APOD: variants seen among roughly 807,000 people sequenced by gnomAD.
APOD encodes apo-D.
In APOD, 22 loss-of-function variants were observed where a neutral mutation model predicts 20.4. That is an observed-to-expected ratio of 1.08 (90% CI 0.77 to 1.54). APOD has a LOEUF of 1.54. APOD is among the 40% of genes most tolerant of loss of function. The probability of loss-of-function intolerance (pLI) is 0.00; values close to 1 mark genes in which losing one functional copy is unlikely to be tolerated. For synonymous variants in APOD, 97 were observed against 92.4 expected, an observed-to-expected ratio of 1.05 and a Z score of -0.29; for missense variants, 223 against 229.6, an observed-to-expected ratio of 0.97 and a Z score of 0.19.
At chr3:195,578,099 T>A (rs920687239) in intron 2 of APOD, among the ~76,000 whole-genome samples, 2 of 152,244 alleles carry the variant, frequency 1.3e-5, no homozygotes, top group Admixed American at 6.5e-5. Context: ...ATTTTTTAAA[T>A]CCTGCTTTAA....
intron 4 of APOD, among the ~76,000 whole-genome samples, chr3:195,569,365 A>C (rs1720119221): frequency 6.6e-6 from 1 of 152,006 alleles, no homozygotes; most frequent in South Asian, 2.1e-4. Context: ...TGCCTGCCTC[A>C]CTCACCCAGA....
chr3:195,576,544 T>G (rs1402478831), intron 2 of APOD, among the ~76,000 whole-genome samples: 1 of 152,228 alleles, frequency 6.6e-6, no homozygotes, highest in Non-Finnish European at 1.5e-5. Flanking sequence ...ACGCAGTGGC[T>G]CATGCCTGTA....
intron 1 of APOD, 21 bp from the exon 2 acceptor site, chr3:195,579,516 T>C (rs1720300422): frequency 8.8e-6 from 14 of 1,599,222 alleles, no homozygotes; most frequent in Non-Finnish European, 1.1e-5. Context: ...GCAAAGCAGC[T>C]GGGGTTGTCA....
At chr3:195,576,612 C>T (rs944200781) in intron 2 of APOD, among the ~76,000 whole-genome samples, 18 of 152,076 alleles carry the variant, frequency 1.2e-4, no homozygotes, top group African/African-American at 4.1e-4. Context: ...GAGTTCAAGA[C>T]CAGCATAGCC....
intron 2 of APOD, 29 bp downstream of exon 2, chr3:195,579,310 G>A: frequency 6.2e-7 from 1 of 1,613,490 alleles, no homozygotes; most frequent in South Asian, 1.1e-5. Context: ...AGCGGAGGCA[G>A]CAAAACAAAC....
intron 2 of APOD, 56 bp downstream of exon 2, chr3:195,579,283 G>A: frequency 3.1e-6 from 5 of 1,607,926 alleles, no homozygotes; most frequent in Non-Finnish European, 4.3e-6. Flanking sequence ...ATTGAACCTT[G>A]TAGAACGCTT....
rs1553889293 is a variant in APOD, at chr3:195,568,831, T to TG, written c.*68dup. The TG allele has an allele frequency of 6.6e-3, 5,907 of 896,638 alleles. 18 individuals are homozygous for TG. The highest frequency in any genetic ancestry group is 0.021 in the African/African-American group (851 of 40,672). 55.5% of individuals were successfully genotyped at this position (896,638 alleles called of 1,614,324 possible). A position where few individuals can be genotyped will look rare whatever the true frequency, so the allele number is the denominator to read the frequency against. ...GTCGTGGTTGATTGGTTTGTCTTTATGGGGGGGGGGTAGGGGAAAGCGAAG... is the reference window on the plus strand; with the variant it reads ...GTCGTGGTTGATTGGTTTGTCTTTATGGGGGGGGGGGTAGGGGAAAGCGAAG... On this transcript the variant is annotated 3_prime_UTR_variant, in exon 5 of 5. Coordinates refer to ENST00000343267, the MANE Select transcript of APOD (RefSeq NM_001647.4).
At chr3:195,574,654 C>T (rs752334721) in intron 2 of APOD, among the ~76,000 whole-genome samples, 1 of 152,112 alleles carries the variant, frequency 6.6e-6, no homozygotes, top group Non-Finnish European at 1.5e-5. Flanking sequence ...CTCTTTGGCC[C>T]AGCAATTTCA....
chr3:195,570,256 A>G (rs1720137684), intron 4 of APOD, among the ~76,000 whole-genome samples: 1 of 152,178 alleles, frequency 6.6e-6, no homozygotes, highest in Non-Finnish European at 1.5e-5. Context: ...CTCTACTTCT[A>G]ATGAGTTCAG....
intron 3 of APOD, 138 bp downstream of exon 3, chr3:195,573,712 T>G (rs1278557205): frequency 2.6e-6 from 3 of 1,170,454 alleles, no homozygotes; most frequent in Non-Finnish European, 3.6e-6. Flanking sequence ...TGCCAAACGC[T>G]TTCCTCTCAA....
At chr3:195,571,167 G>A in intron 4 of APOD, 110 bp downstream of exon 4, 1 of 921,624 alleles carries the variant, frequency 1.1e-6, no homozygotes, top group Non-Finnish European at 1.8e-6. Flanking sequence ...TATGTGCTGA[G>A]TGATTATAGA....
chr3:195,570,278 G>A lies in APOD; in HGVS notation c.334+999C>T, dbSNP rs181353825. ...TCTAATGAGTTCAGTGATGGCCTGCGTCACTCAGCCCACCTGCACTTTAGC... is the reference window on the plus strand; with the variant it reads ...TCTAATGAGTTCAGTGATGGCCTGCATCACTCAGCCCACCTGCACTTTAGC... On this transcript the variant is annotated intron_variant, in intron 4 of 4. Transcript: ENST00000343267. Among the ~76,000 whole-genome samples the A allele has an allele frequency of 2.4e-4, 36 of 152,288 alleles. No individual in the cohort carries two copies. In the East Asian group the frequency reaches 3.9e-3, roughly 16 times the overall value.
intron 3 of APOD, among the ~76,000 whole-genome samples, chr3:195,572,684 C>T (rs1158786778): frequency 1.3e-5 from 2 of 152,058 alleles, no homozygotes; most frequent in East Asian, 3.9e-4. Flanking sequence ...AGCAGGGAGG[C>T]CAACTGAAAT....
At chr3:195,583,520 A>G (rs4677694) in intron 1 of APOD, among the ~76,000 whole-genome samples, 24,001 of 152,154 alleles carry the variant, frequency 0.16, 2,239 homozygotes, top group East Asian at 0.42. Flanking sequence ...ACTGCGATGC[A>G]CCGTTGGACA....
At chr3:195,575,039 C>G (rs1720226593) in intron 2 of APOD, among the ~76,000 whole-genome samples, 1 of 152,260 alleles carries the variant, frequency 6.6e-6, no homozygotes, top group South Asian at 2.1e-4. Context: ...TCTGACAGGT[C>G]TCACTGGGCT....
chr3:195,576,772 T>C (rs1035552997), intron 2 of APOD, among the ~76,000 whole-genome samples: 2 of 151,956 alleles, frequency 1.3e-5, no homozygotes, highest in East Asian at 1.9e-4. Flanking sequence ...ATGGTGCCAC[T>C]ACACTCCAGC....
At chr3:195,574,484 T>C (rs1469414730) in intron 2 of APOD, among the ~76,000 whole-genome samples, 1 of 152,192 alleles carries the variant, frequency 6.6e-6, no homozygotes, top group Non-Finnish European at 1.5e-5. Flanking sequence ...TTCAGGTGTA[T>C]ACAGTTAGCT....
At position 195,579,331 on chromosome 3, in the gene APOD, C is replaced by T. The variant is rs993778126; in HGVS notation, c.123+8G>A. 1.2e-5 allele frequency: 20 copies of T among 1,614,052 alleles called. No homozygotes were observed. In the Admixed American group the frequency reaches 1.3e-4, roughly 11 times the overall value. On this transcript the variant is annotated splice_region_variant and intron_variant, in intron 2 of 4. Transcript: ENST00000343267. ...GGCAGCAAAACAAACGGGAGGTTCG[C>T]CTTTTACCTTATTCACGTCAAAATT...
intron 2 of APOD, chr3:195,577,255 T>C: frequency 3.5e-6 from 1 of 285,918 alleles, no homozygotes; most frequent in Non-Finnish European, 6.8e-6. Flanking sequence ...GAATAAAATA[T>C]TTGGGAATAA....
Sources: gnomAD v4.1 joint callset for allele counts (sites outside exome capture counted in the v4.1 genomes callset) on GRCh38, gnomAD v4.1.1 for gene constraint, MANE v1.5 for transcripts, NCBI Gene and HGNC (gene_info 2026-07-23, HGNC 2026-07-21) for gene names.